MYCBP2: variants seen among roughly 807,000 people sequenced by gnomAD.
MYCBP2 encodes MYC binding protein 2, also known as E3 ubiquitin-protein ligase MYCBP2.
A neutral mutation model predicts 525.3 loss-of-function variants in MYCBP2; 120 were observed. The ratio of observed to expected loss-of-function variants is 0.23; its 90% CI spans 0.20 to 0.27. The LOEUF (loss-of-function observed/expected upper bound fraction) is 0.27. Among genes scored for constraint, MYCBP2 ranks in the 10% least tolerant of loss-of-function variants. MYCBP2 has a pLI of 1.00. For missense variants in MYCBP2, 4,149 were observed against 5,657.1 expected (o/e 0.73, Z 8.55); for synonymous variants, 1,894 against 1,955.8 (o/e 0.97, Z 0.83).
intron 1 of MYCBP2, among the ~76,000 whole-genome samples, chr13:77,318,503 C>G (rs1401959113): frequency 6.6e-6 from 1 of 152,160 alleles, no homozygotes; most frequent in Non-Finnish European, 1.5e-5. Context: ...CGCCTGTAAT[C>G]CCAGCACTTT....
intron 39 of MYCBP2, among the ~76,000 whole-genome samples, chr13:77,169,301 CAGG>C (rs1388585926): frequency 2.0e-5 from 3 of 149,002 alleles, no homozygotes; most frequent in African/African-American, 7.4e-5. Context: ...GAGGCTGAGG[CAGG>C]AGAATGGCGT....
chr13:77,104,190 G>T (rs889039138), intron 55 of MYCBP2, among the ~76,000 whole-genome samples: 3 of 151,986 alleles, frequency 2.0e-5, no homozygotes, highest in Non-Finnish European at 2.9e-5. Flanking sequence ...GGAGATAGTT[G>T]TCTTAGTATT....
rs777698048 is a variant in MYCBP2 at position 77,260,568 on chromosome 13, G to A, written c.1877C>T (p.Pro626Leu). The A allele has an allele frequency of 1.1e-5, 17 of 1,606,476 alleles. No individual in the cohort carries two copies. Residue 626 changes from proline (P) to leucine (L), a missense_variant, in exon 13 of 83, where the codon CCT becomes CTT. Pro to Leu is a moderately conservative substitution (Grantham distance 98, BLOSUM62 -3). This residue lies in a region of MYCBP2 where 262 missense variants were observed against 419.3 expected (regional missense o/e 0.62). Transcript: ENST00000544440. ...CTTAATTATCTTTTTAGGTTTATAAGGTTTGGATTGCCGTCTGCTCTTAGC... is the reference window on the plus strand; with the variant it reads ...CTTAATTATCTTTTTAGGTTTATAAAGTTTGGATTGCCGTCTGCTCTTAGC... ...ESTKSRRQSK[P>L]YKPKKIIKME... is the part of the protein sequence containing the mutation.
chr13:77,074,012 C>CCCT (rs1555308467), intron 68 of MYCBP2, among the ~76,000 whole-genome samples: 2 of 91,780 alleles, frequency 2.2e-5, no homozygotes, highest in African/African-American at 6.4e-5. Context: ...GCCCCCCCCC[C>CCCT]TTTTTTTTTT....
rs144934192 is a variant in MYCBP2 at position 77,066,077 on chromosome 13, C to T, written c.12467G>A (p.Arg4156Gln). 54 of 1,611,324 alleles carry T rather than the reference C, an allele frequency of 3.4e-5. No individual in the cohort carries two copies. The highest frequency in any genetic ancestry group is 4.2e-5 in the Non-Finnish European group (49 of 1,178,246). The change falls in exon 72 of 83, where the codon CGA (arginine) becomes CAA (glutamine). Residue 4156 changes from arginine (R) to glutamine (Q), a missense_variant. By Grantham distance (43) the Arg-to-Gln change is conservative. Coordinates refer to ENST00000544440, the MANE Select transcript of MYCBP2 (RefSeq NM_015057.5). ...CTTCATCCACCAATGACTTTCACCTCGTCGGAGATAACTACAAGAAAAATT... is the reference window on the plus strand; with the variant it reads ...CTTCATCCACCAATGACTTTCACCTTGTCGGAGATAACTACAAGAAAAATT... Reference protein sequence around the residue: ...PMIFNSSYLRRGESHWWMKGS... With the variant: ...PMIFNSSYLRQGESHWWMKGS...
chr13:77,075,037 C>A (rs2042041625), intron 68 of MYCBP2, among the ~76,000 whole-genome samples: 1 of 152,286 alleles, frequency 6.6e-6, no homozygotes, highest in African/African-American at 2.4e-5. Flanking sequence ...GGCAAAACCA[C>A]ATCTCTGCAG....
intron 54 of MYCBP2, among the ~76,000 whole-genome samples, chr13:77,123,375 T>C (rs2051092351): frequency 6.6e-6 from 1 of 152,326 alleles, no homozygotes; most frequent in African/African-American, 2.4e-5. Flanking sequence ...TTTTCTTAAA[T>C]GATACTCTAA....
At chr13:77,050,055 T>C (rs1251647038) in intron 82 of MYCBP2, among the ~76,000 whole-genome samples, 1 of 152,140 alleles carries the variant, frequency 6.6e-6, no homozygotes, top group Non-Finnish European at 1.5e-5. Context: ...ACTACCCTAC[T>C]GGACACTAGC....
intron 15 of MYCBP2, among the ~76,000 whole-genome samples, chr13:77,246,683 AC>A (rs1306208933): frequency 1.3e-5 from 2 of 151,176 alleles, no homozygotes; most frequent in African/African-American, 2.4e-5. Context: ...AAAAAAAAAA[AC>A]CCCTACAGAC....
chr13:77,053,827 G>C (rs1434711010), intron 80 of MYCBP2, among the ~76,000 whole-genome samples: 1 of 151,956 alleles, frequency 6.6e-6, no homozygotes, highest in East Asian at 1.9e-4. Flanking sequence ...CCTTTCTCAT[G>C]TAGTCATTCT....
In MYCBP2 at chr13:77,093,245, G is replaced by T; in HGVS notation, c.10287C>A (p.Ala3429=). 1 of 1,613,246 alleles carries T rather than the reference G, an allele frequency of 6.2e-7. No homozygotes were observed. The highest frequency in any genetic ancestry group is 8.5e-7 in the Non-Finnish European group (1 of 1,179,460). ...CATCAGGAGTTACTGATATATACGG[G>T]GCAGGTACAGATGTTGAACGTAGAT... The part of the protein sequence containing the change: ...MRYLRSTSVP[A]PYISVTPDAS... Residue 3429 remains alanine (A), a synonymous_variant, in exon 59 of 83, where the codon GCC becomes GCA. Transcript: ENST00000544440.
intron 26 of MYCBP2, among the ~76,000 whole-genome samples, chr13:77,203,766 G>T (rs2062930613): frequency 6.6e-6 from 1 of 152,038 alleles, no homozygotes; most frequent in Admixed American, 6.6e-5. Context: ...TCTGATCTTT[G>T]ACAAACCTGA....
At chr13:77,076,960 T>C (rs1048456475) in intron 67 of MYCBP2, 111 bp from the exon 68 acceptor site, 1 of 1,096,466 alleles carries the variant, frequency 9.1e-7, no homozygotes. Flanking sequence ...CTCTTGCTAA[T>C]ATACACCACT....
chr13:77,238,794 C>T (rs549546571), intron 17 of MYCBP2, among the ~76,000 whole-genome samples: 3 of 152,168 alleles, frequency 2.0e-5, no homozygotes, highest in Non-Finnish European at 2.9e-5. Context: ...AACTAAATTA[C>T]GTCAATAGGC....
chr13:77,164,499 C>G lies in MYCBP2; in HGVS notation c.6502G>C (p.Val2168Leu). The G allele has an allele frequency of 6.2e-7, 1 of 1,613,392 alleles. No individual in the cohort carries two copies. The highest frequency in any genetic ancestry group is 8.5e-7 in the Non-Finnish European group (1 of 1,179,364). ...LEKELANLGG[V>L]CAAALMKKDL... ...TTCTTCATCAGAGCTGCTGCACAAA[C>G]CCCACCAAGATTGGCTAATTCTTTT... The change falls in exon 43 of 83, where the codon GTT (valine) becomes CTT (leucine). Residue 2168 changes from valine to leucine, a missense_variant. Physicochemically the swap from Val to Leu is conservative, Grantham distance 32. Coordinates refer to ENST00000544440, the MANE Select transcript of MYCBP2 (RefSeq NM_015057.5).
chr13:77,235,445 T>G (rs1003232027), intron 17 of MYCBP2, among the ~76,000 whole-genome samples: 8 of 152,074 alleles, frequency 5.3e-5, no homozygotes, highest in African/African-American at 1.9e-4. Context: ...TCATTAAAAA[T>G]ACATGTAGCT....
At position 77,166,624 on chromosome 13, in the gene MYCBP2, A is replaced by ATG. The variant is rs370778014; in HGVS notation, c.6115-72_6115-71dup. ...CACAAACATACACATCTGCATCTGTATGTGTGTGTGTGTCTATGCTTTTAT... is the reference window on the plus strand; with the variant it reads ...CACAAACATACACATCTGCATCTGTATGTGTGTGTGTGTGTCTATGCTTTTAT... On this transcript the variant is annotated intron_variant, in intron 40 of 82. Coordinates refer to ENST00000544440, the MANE Select transcript of MYCBP2 (RefSeq NM_015057.5). 43 of 1,016,628 alleles carry ATG rather than the reference A, an allele frequency of 4.2e-5. No homozygotes were observed. In the Middle Eastern group the frequency reaches 8.5e-4, roughly 20 times the overall value. The allele number at this position is 1,016,628 out of a possible 1,614,324, so 63.0% of individuals were successfully genotyped here. A position where few individuals can be genotyped will look rare whatever the true frequency, so the allele number is the denominator to read the frequency against.
intron 45 of MYCBP2, 29 bp downstream of exon 45, chr13:77,157,908 A>C: frequency 6.4e-7 from 1 of 1,567,714 alleles, no homozygotes; most frequent in Non-Finnish European, 8.7e-7. Flanking sequence ...AAGCCCTAAA[A>C]TAAAGTAAGT....
chr13:77,195,024 C>CTT (rs68089729), intron 26 of MYCBP2, among the ~76,000 whole-genome samples: 2 of 149,370 alleles, frequency 1.3e-5, no homozygotes, highest in African/African-American at 5.0e-5. Flanking sequence ...AAAAAATGTC[C>CTT]TTTTTTTTTT....
Sources: allele counts gnomAD v4.1 joint callset (sites outside exome capture counted in the v4.1 genomes callset), GRCh38; gene constraint gnomAD v4.1.1; regional missense constraint gnomAD v4.1.1; transcripts MANE v1.5; gene names NCBI Gene and HGNC (gene_info 2026-07-23, HGNC 2026-07-21).